Variants in NRXN1 observed in about 807,000 individuals in gnomAD.
NRXN1 encodes the protein neurexin 1, also known as neurexin-1.
NRXN1 carries 39 observed loss-of-function variants against 150.9 expected under a neutral mutation model. The observed-to-expected ratio is 0.26, with a 90% CI of 0.20 to 0.34. The LOEUF is 0.34. Among genes scored for constraint, NRXN1 ranks in the 10% least tolerant of loss-of-function variants. NRXN1 has a pLI of 1.00. For missense variants in NRXN1, 1,815 were observed against 1,949.9 expected (o/e 0.93, Z 1.30); for synonymous variants, 924 against 757.0 (o/e 1.22, Z -3.62).
At chr2:50,466,870 A>T (rs2088932608) in intron 16 of NRXN1, among the ~76,000 whole-genome samples, 1 of 151,782 alleles carries the variant, frequency 6.6e-6, no homozygotes. Context: ...GATACAGTGT[A>T]GACTATGATC....
intron 18 of NRXN1, among the ~76,000 whole-genome samples, chr2:50,157,321 CCAGT>C (rs994127482): frequency 5.3e-5 from 8 of 151,918 alleles, no homozygotes; most frequent in Admixed American, 2.0e-4. Flanking sequence ...AGCGTTTTCA[CCAGT>C]CATTCAGGCA....
chr2:50,278,263 A>ATATATTATATATT lies in NRXN1; in HGVS notation c.3365-41294_3365-41293insAATATATAATATA, dbSNP rs1385404131. Among the ~76,000 whole-genome samples the ATATATTATATATT allele has an allele frequency of 5.6e-4, 57 of 102,198 alleles. 2 individuals carry two copies. The highest frequency in any genetic ancestry group is 9.4e-4 in the Non-Finnish European group (51 of 54,364). The allele number at this position is 102,198 out of a possible 152,430, so 67.0% of individuals were successfully genotyped here. ...TATAATATATATATATATTATATAT[A>ATATATTATATATT]TTATATATGTATTATATATATAATA... On this transcript the variant is annotated intron_variant, in intron 17 of 22. Transcript: ENST00000401669.
intron 17 of NRXN1, among the ~76,000 whole-genome samples, chr2:50,393,893 C>T (rs1165801394): frequency 6.6e-6 from 1 of 152,104 alleles, no homozygotes; most frequent in East Asian, 1.9e-4. Flanking sequence ...GGTGTCATCT[C>T]CAGAGAGAAG....
intron 5 of NRXN1, among the ~76,000 whole-genome samples, chr2:50,752,818 A>G (rs2105337888): frequency 6.6e-6 from 1 of 152,102 alleles, no homozygotes; most frequent in South Asian, 2.1e-4. Flanking sequence ...TTTGAAAACT[A>G]AAAAGAACTG....
chr2:50,691,859 T>C (rs547418809), intron 5 of NRXN1, among the ~76,000 whole-genome samples: 2 of 152,158 alleles, frequency 1.3e-5, no homozygotes, highest in Non-Finnish European at 2.9e-5. Context: ...ACAGCTCCCA[T>C]TCCCTATTCT....
At position 50,344,088 on chromosome 2, in the gene NRXN1, C is replaced by T. The variant is rs148774331; in HGVS notation, c.3365-107118G>A. ...ACTTGTGGGTCCTTTGTCCCAACAA[C>T]TAGCGAAATATTCAGAGAGCTATTG... On this transcript the variant is annotated intron_variant, in intron 17 of 22. Transcript: ENST00000401669. Among the ~76,000 whole-genome samples the T allele has an allele frequency of 1.5e-3, 224 of 152,236 alleles. 1 individual carries two copies. The highest frequency in any genetic ancestry group is 5.2e-3 in the African/African-American group (214 of 41,540).
intron 8 of NRXN1, among the ~76,000 whole-genome samples, chr2:50,560,002 A>G (rs144795834): frequency 4.7e-4 from 72 of 152,324 alleles, no homozygotes; most frequent in African/African-American, 1.6e-3. Flanking sequence ...GATTAAATGA[A>G]AGGAGAAAAT....
intron 17 of NRXN1, among the ~76,000 whole-genome samples, chr2:50,244,472 CT>C (rs946155822): frequency 3.2e-4 from 49 of 151,784 alleles, no homozygotes; most frequent in African/African-American, 1.1e-3. Flanking sequence ...AAGTTATTCT[CT>C]TTTTTTTCTG....
chr2:50,931,274 TA>T, intron 2 of NRXN1, among the ~76,000 whole-genome samples: 1 of 152,092 alleles, frequency 6.6e-6, no homozygotes, highest in East Asian at 1.9e-4. Flanking sequence ...AATATTAAAA[TA>T]CTCTTAACTT....
At chr2:50,876,786 A>C (rs1408395024) in intron 5 of NRXN1, among the ~76,000 whole-genome samples, 1 of 151,796 alleles carries the variant, frequency 6.6e-6, no homozygotes. Context: ...GAGACACATT[A>C]CTTCTTTATG....
chr2:51,020,074 T>G (rs975496506), intron 2 of NRXN1, among the ~76,000 whole-genome samples: 52 of 151,762 alleles, frequency 3.4e-4, no homozygotes, highest in Admixed American at 3.4e-3. Flanking sequence ...TTTTTTAAGT[T>G]GAGGGAGAGT....
chr2:50,080,371 A>G (rs1191168978), intron 19 of NRXN1, among the ~76,000 whole-genome samples: 1 of 152,188 alleles, frequency 6.6e-6, no homozygotes. Context: ...CACATAGTAT[A>G]TATAGGTTTT....
At chr2:50,678,874 G>A (rs1422810096) in intron 5 of NRXN1, among the ~76,000 whole-genome samples, 1 of 152,006 alleles carries the variant, frequency 6.6e-6, no homozygotes, top group Admixed American at 6.6e-5. Context: ...ATATTTTACT[G>A]GTTTTAGACC....
At chr2:50,550,318 T>C (rs550552962) in intron 9 of NRXN1, among the ~76,000 whole-genome samples, 1 of 151,962 alleles carries the variant, frequency 6.6e-6, no homozygotes, top group Non-Finnish European at 1.5e-5. Context: ...CCTGGAACTC[T>C]TGGGCTCAAG....
At chr2:50,406,335 A>T (rs1027136950) in intron 17 of NRXN1, among the ~76,000 whole-genome samples, 1 of 152,206 alleles carries the variant, frequency 6.6e-6, no homozygotes, top group Non-Finnish European at 1.5e-5. Context: ...AACCCCTTAA[A>T]GAAAAACATA....
intron 5 of NRXN1, chr2:50,631,288 G>C (rs1682276660): frequency 6.6e-6 from 2 of 304,118 alleles, no homozygotes; most frequent in African/African-American, 2.4e-5. Flanking sequence ...TAAACCTCGA[G>C]ACCAATCCAG....
At chr2:50,378,358 C>T (rs1829533) in intron 17 of NRXN1, among the ~76,000 whole-genome samples, 82,807 of 152,050 alleles carry the variant, frequency 0.54, 24,177 homozygotes, top group East Asian at 0.92. Flanking sequence ...TGAAAATAAG[C>T]AGAAAATGCA....
chr2:50,751,834 G>A (rs1318708591), intron 5 of NRXN1, among the ~76,000 whole-genome samples: 1 of 151,862 alleles, frequency 6.6e-6, no homozygotes, highest in Non-Finnish European at 1.5e-5. Flanking sequence ...CTTTCCACAG[G>A]TGTCACTTCT....
chr2:50,161,141 C>T (rs1170604206), intron 18 of NRXN1, among the ~76,000 whole-genome samples: 1 of 152,128 alleles, frequency 6.6e-6, no homozygotes, highest in East Asian at 1.9e-4. Context: ...GTTTGTAGTA[C>T]TTCAATGGTA....
Sources: gnomAD v4.1 joint callset for allele counts (sites outside exome capture counted in the v4.1 genomes callset) on GRCh38, gnomAD v4.1.1 for gene constraint, MANE v1.5 for transcripts, NCBI Gene and HGNC (gene_info 2026-07-23, HGNC 2026-07-21) for gene names.